Variants in SGCZ observed in about 807,000 individuals in gnomAD.
SGCZ encodes the protein sarcoglycan zeta, also known as zeta-sarcoglycan.
A neutral mutation model predicts 41.3 loss-of-function variants in SGCZ; 40 were observed. The ratio of observed to expected loss-of-function variants is 0.97; its 90% CI spans 0.75 to 1.26. SGCZ has a LOEUF of 1.26. SGCZ is among the 50% of genes most tolerant of loss of function. The pLI, the probability that SGCZ is intolerant of heterozygous loss-of-function variation, is 0.00. For missense variants in SGCZ, 552 were observed against 369.8 expected, an observed-to-expected ratio of 1.49 and a Z score of -4.04; for synonymous variants, 206 against 137.5, an observed-to-expected ratio of 1.50 and a Z score of -3.49.
rs374664099 is a variant in SGCZ, at chr8:14,489,559, C to T, written c.234+65173G>A. On this transcript the variant is annotated intron_variant, in intron 2 of 7. Coordinates refer to ENST00000382080, the MANE Select transcript of SGCZ (RefSeq NM_139167.4). ...GGTGGAAAAAAGGGAGATGGTCTGG[C>T]TTTTTTAACCCACTTTTTAAACGCC... Among the ~76,000 whole-genome samples the T allele has an allele frequency of 8.4e-4, 127 of 151,832 alleles. 2 individuals are homozygous for T. The East Asian group carries it at 0.021, about 25-fold the overall frequency.
At chr8:14,116,184 A>G (rs1196893178) in intron 5 of SGCZ, among the ~76,000 whole-genome samples, 1 of 152,084 alleles carries the variant, frequency 6.6e-6, no homozygotes, top group African/African-American at 2.4e-5. Context: ...AAACTTCTAC[A>G]AATATTTTTT....
Position 14,157,580 on chromosome 8 carries a change from A to T in SGCZ, c.547+7000T>A, listed in dbSNP as rs544358239. ...TTTATTTGTTAGTTGTAAAATAAGTACTTGTGCAGAAAAATAAAAAAAAAA... is the reference window on the plus strand; with the variant it reads ...TTTATTTGTTAGTTGTAAAATAAGTTCTTGTGCAGAAAAATAAAAAAAAAA... On this transcript the variant is annotated intron_variant, in intron 5 of 7. Transcript: ENST00000382080. Among the ~76,000 whole-genome samples the T allele has an allele frequency of 4.6e-5, 7 of 151,844 alleles. No individual in the cohort carries two copies. The South Asian group carries it at 1.2e-3, about 27-fold the overall frequency.
intron 3 of SGCZ, among the ~76,000 whole-genome samples, chr8:14,245,226 G>C (rs1563208931): frequency 6.6e-6 from 1 of 152,116 alleles, no homozygotes; most frequent in African/African-American, 2.4e-5. Flanking sequence ...TATTGACTGT[G>C]GGTTTGGTAC....
intron 5 of SGCZ, among the ~76,000 whole-genome samples, chr8:14,140,443 C>T (rs1340346315): frequency 2.0e-5 from 3 of 152,110 alleles, no homozygotes; most frequent in African/African-American, 7.2e-5. Flanking sequence ...CCCAAAATCT[C>T]CTTAAGCTGA....
At chr8:14,647,273 T>C (rs1585151912) in intron 1 of SGCZ, among the ~76,000 whole-genome samples, 1 of 152,042 alleles carries the variant, frequency 6.6e-6, no homozygotes, top group Non-Finnish European at 1.5e-5. Flanking sequence ...AGGATATGCA[T>C]AACTATTCAC....
chr8:14,622,619 A>G (rs185015848), intron 1 of SGCZ, among the ~76,000 whole-genome samples: 1 of 152,318 alleles, frequency 6.6e-6, no homozygotes, highest in African/African-American at 2.4e-5. Flanking sequence ...AAGATGTTTT[A>G]GAAGCCAGCT....
At chr8:14,598,497 A>G (rs1479944101) in intron 1 of SGCZ, among the ~76,000 whole-genome samples, 1 of 151,936 alleles carries the variant, frequency 6.6e-6, no homozygotes, top group East Asian at 1.9e-4. Flanking sequence ...CTCTCTATAT[A>G]TATACACAAA....
intron 3 of SGCZ, chr8:14,309,244 G>A: frequency 6.6e-7 from 1 of 1,525,382 alleles, no homozygotes; most frequent in Non-Finnish European, 9.1e-7. Flanking sequence ...TCTGGGCTCT[G>A]TACAACCATA....
chr8:14,460,480 A>G (rs1049180827), intron 2 of SGCZ, among the ~76,000 whole-genome samples: 4 of 152,140 alleles, frequency 2.6e-5, no homozygotes, highest in Non-Finnish European at 5.9e-5. Flanking sequence ...AGGGTATGGA[A>G]AGGCAGTGGG....
At chr8:14,700,897 TTAGC>T (rs1809114740) in intron 1 of SGCZ, among the ~76,000 whole-genome samples, 1 of 63,896 alleles carries the variant, frequency 1.6e-5, no homozygotes, top group Non-Finnish European at 6.5e-5. Context: ...CCAAAAATAG[TTAGC>T]AAGAAGCAGG....
At chr8:15,031,902 CCTCTCTCTCTCTCTCT>C (rs751690018) in intron 1 of SGCZ, among the ~76,000 whole-genome samples, 9 of 130,856 alleles carry the variant, frequency 6.9e-5, no homozygotes, top group African/African-American at 1.4e-4. Context: ...CCTCTATATT[CCTCTCTCTCTCTCTCT>C]CTCTCTCTCT....
At chr8:15,208,077 T>C (rs1801127015) in intron 1 of SGCZ, among the ~76,000 whole-genome samples, 1 of 152,214 alleles carries the variant, frequency 6.6e-6, no homozygotes, top group South Asian at 2.1e-4. Context: ...TATTTTCCTC[T>C]GTTAAGAAAG....
rs1392433022 is a variant in SGCZ at position 15,128,877 on chromosome 8, C to A, written c.39+108708G>T. Among the ~76,000 whole-genome samples, 4 of 152,288 alleles carry A rather than the reference C, an allele frequency of 2.6e-5. No individual in the cohort carries two copies. The East Asian group carries it at 7.7e-4, about 29-fold the overall frequency. ...TTACACACAACCTCTGGAGAATAAG[C>A]TGATTTCAGAATAAAACATTCTCTT... is the stretch of plus-strand genomic sequence containing the variant. On this transcript the variant is annotated intron_variant, in intron 1 of 7. Coordinates refer to ENST00000382080, the MANE Select transcript of SGCZ (RefSeq NM_139167.4).
intron 3 of SGCZ, among the ~76,000 whole-genome samples, chr8:14,306,492 T>G (rs1035274104): frequency 6.6e-6 from 1 of 152,316 alleles, no homozygotes; most frequent in East Asian, 1.9e-4. Context: ...AGTTTATCTC[T>G]TTGATAAACT....
At chr8:14,244,094 T>C (rs1798989657) in intron 3 of SGCZ, among the ~76,000 whole-genome samples, 1 of 152,106 alleles carries the variant, frequency 6.6e-6, no homozygotes. Flanking sequence ...TGGATTTGTG[T>C]TCAGATCACA....
At chr8:14,690,830 C>G (rs1300783812) in intron 1 of SGCZ, among the ~76,000 whole-genome samples, 1 of 152,092 alleles carries the variant, frequency 6.6e-6, no homozygotes, top group South Asian at 2.1e-4. Flanking sequence ...AAAAGTCACT[C>G]TTACTGAATT....
chr8:14,939,391 C>G (rs1180723984), intron 1 of SGCZ, among the ~76,000 whole-genome samples: 2 of 152,124 alleles, frequency 1.3e-5, no homozygotes, highest in East Asian at 1.9e-4. Context: ...GAAATTCCCT[C>G]AGAATATAAC....
chr8:14,427,096 A>G (rs911764473), intron 2 of SGCZ, among the ~76,000 whole-genome samples: 4 of 151,990 alleles, frequency 2.6e-5, no homozygotes, highest in East Asian at 1.9e-4. Context: ...GAGTGAATGA[A>G]TGAATGAGTG....
intron 1 of SGCZ, among the ~76,000 whole-genome samples, chr8:15,178,328 A>G (rs1800061148): frequency 6.6e-6 from 1 of 152,164 alleles, no homozygotes; most frequent in Admixed American, 6.5e-5. Context: ...GCATTTTACA[A>G]TGTCTAAAAG....
Sources: gnomAD v4.1 joint callset for allele counts (sites outside exome capture counted in the v4.1 genomes callset) on GRCh38, gnomAD v4.1.1 for gene constraint, MANE v1.5 for transcripts, NCBI Gene and HGNC (gene_info 2026-07-23, HGNC 2026-07-21) for gene names.